The following SOX5 variants were observed in gnomAD, a reference collection of about 807,000 sequenced individuals.
SOX5 encodes SRY-box transcription factor 5.
SOX5 carries 9 observed loss-of-function variants against 92.0 expected under a neutral mutation model. That is an observed-to-expected ratio of 0.10 (90% confidence interval 0.06 to 0.17). The LOEUF (loss-of-function observed/expected upper bound fraction) is 0.17. Ranked by LOEUF, SOX5 falls within the 10% of genes least tolerant of loss-of-function variation. SOX5 has a pLI of 1.00. For synonymous variants in SOX5, 344 were observed against 336.3 expected, an observed-to-expected ratio of 1.02 and a Z score of -0.25; for missense variants, 642 against 944.5, an observed-to-expected ratio of 0.68 and a Z score of 4.20.
At chr12:23,652,983 T>C (rs189374913) in intron 7 of SOX5, among the ~76,000 whole-genome samples, 5 of 142,596 alleles carry the variant, frequency 3.5e-5, no homozygotes, top group Admixed American at 7.1e-5. Flanking sequence ...TGTGGATATA[T>C]GGATGGATGA....
At chr12:23,659,148 G>T (rs2082698489) in intron 7 of SOX5, among the ~76,000 whole-genome samples, 1 of 152,106 alleles carries the variant, frequency 6.6e-6, no homozygotes, top group African/African-American at 2.4e-5. Flanking sequence ...AAATTAGTAT[G>T]CAGTCTCCTA....
At chr12:23,538,191 T>C (rs1941038741) in intron 13 of SOX5, among the ~76,000 whole-genome samples, 1 of 152,200 alleles carries the variant, frequency 6.6e-6, no homozygotes. Context: ...TGAATAGTTC[T>C]TCCTTACACA....
intron 2 of SOX5, among the ~76,000 whole-genome samples, chr12:24,354,585 C>G (rs993688766): frequency 6.6e-6 from 1 of 152,214 alleles, no homozygotes; most frequent in Non-Finnish European, 1.5e-5. Flanking sequence ...ATTCCAGAAT[C>G]CAGGCTTTCC....
chr12:23,686,113 G>C (rs535895569), intron 6 of SOX5, among the ~76,000 whole-genome samples: 3 of 152,104 alleles, frequency 2.0e-5, no homozygotes, highest in Non-Finnish European at 4.4e-5. Context: ...GCTATAATTA[G>C]AGAGCAAACA....
intron 4 of SOX5, among the ~76,000 whole-genome samples, chr12:23,980,102 C>T (rs184618655): frequency 1.3e-5 from 2 of 152,120 alleles, no homozygotes; most frequent in East Asian, 3.9e-4. Context: ...GGCATGAATT[C>T]GTTATCTTCG....
intron 2 of SOX5, among the ~76,000 whole-genome samples, chr12:23,863,771 CTAAA>C (rs1247408384): frequency 6.7e-6 from 1 of 148,932 alleles, no homozygotes; most frequent in Non-Finnish European, 1.5e-5. Flanking sequence ...TTGTCAACTC[CTAAA>C]TAACATTTTA....
rs140359432 is a variant in SOX5 at position 23,965,411 on chromosome 12, C to G, written c.-1-69387G>C. 5.5e-3 allele frequency among the ~76,000 whole-genome samples: 838 copies of G among 152,186 alleles called. 12 individuals are homozygous for G. The highest frequency in any genetic ancestry group is 0.019 in the African/African-American group (806 of 41,516). On this transcript the variant is annotated intron_variant, in intron 4 of 4. Transcript: ENST00000446891. ...TCTGATCCTGCCTCCTCCACACCAG[C>G]CACCACAGTTAGATGGGGGGGACCT...
Position 23,533,175 on chromosome 12 carries a change from A to G in SOX5, c.*1044T>C, listed in dbSNP as rs1206975973. The G allele has an allele frequency of 4.4e-6, 2 of 456,536 alleles. No individual in the cohort carries two copies. The highest frequency in any genetic ancestry group is 3.3e-4 in the Middle Eastern group (1 of 3,076). The allele number at this position is 456,536 out of a possible 1,614,324, so 28.3% of individuals were successfully genotyped here. On this transcript the variant is annotated 3_prime_UTR_variant, in exon 15 of 15. Transcript: ENST00000451604. ...GACCAGTCACTTGGGAGGATGTGGG[A>G]TTTCATCCCCAGATGTGGGTTTAAC...
chr12:24,331,739 T>C (rs1296941770), intron 2 of SOX5, among the ~76,000 whole-genome samples: 6 of 149,834 alleles, frequency 4.0e-5, no homozygotes, highest in Non-Finnish European at 8.9e-5. Flanking sequence ...TCCCAGCTAC[T>C]TGGGAGGCTG....
chr12:24,461,055 G>C (rs1441256557), intron 1 of SOX5, among the ~76,000 whole-genome samples: 1 of 152,154 alleles, frequency 6.6e-6, no homozygotes. Context: ...AGCATAAATT[G>C]TCACATATTT....
intron 4 of SOX5, among the ~76,000 whole-genome samples, chr12:24,077,083 T>C (rs74773589): frequency 0.038 from 5,759 of 152,256 alleles, 136 homozygotes; most frequent in Admixed American, 0.057. Context: ...AAATACATTC[T>C]AAATAATTCA....
intron 11 of SOX5, among the ~76,000 whole-genome samples, chr12:23,556,770 T>A (rs1945251932): frequency 6.6e-6 from 1 of 152,210 alleles, no homozygotes; most frequent in African/African-American, 2.4e-5. Context: ...TCATATTCAC[T>A]TTTTTAAAGC....
chr12:23,748,938 C>T (rs1486649187), intron 4 of SOX5, among the ~76,000 whole-genome samples: 1 of 151,916 alleles, frequency 6.6e-6, no homozygotes, highest in Non-Finnish European at 1.5e-5. Context: ...ACCATTATAT[C>T]TCCAGAGCTA....
At chr12:23,539,329 G>C (rs983953720) in intron 13 of SOX5, among the ~76,000 whole-genome samples, 1 of 152,140 alleles carries the variant, frequency 6.6e-6, no homozygotes, top group Non-Finnish European at 1.5e-5. Flanking sequence ...GAAAGTTATA[G>C]TTCCTGTCTC....
chr12:24,136,402 C>A (rs1307906722), intron 4 of SOX5, among the ~76,000 whole-genome samples: 1 of 152,220 alleles, frequency 6.6e-6, no homozygotes, highest in Non-Finnish European at 1.5e-5. Flanking sequence ...TGTTTTCAGA[C>A]AAAGAAGGAC....
At chr12:24,486,178 C>A (rs1946502820) in intron 1 of SOX5, among the ~76,000 whole-genome samples, 1 of 152,118 alleles carries the variant, frequency 6.6e-6, no homozygotes, top group Non-Finnish European at 1.5e-5. Flanking sequence ...CTTAAGCGAT[C>A]CTCCCACCTT....
At chr12:23,826,157 A>G (rs1203759040) in intron 3 of SOX5, among the ~76,000 whole-genome samples, 1 of 151,318 alleles carries the variant, frequency 6.6e-6, no homozygotes. Context: ...TATATCTCCT[A>G]ATGCTATCCC....
At chr12:24,296,540 T>A (rs565062149) in intron 2 of SOX5, among the ~76,000 whole-genome samples, 1 of 152,232 alleles carries the variant, frequency 6.6e-6, no homozygotes, top group African/African-American at 2.4e-5. Context: ...TTGTCACTTA[T>A]AAGCATATGT....
At chr12:24,375,502 A>G (rs1266767460) in intron 1 of SOX5, among the ~76,000 whole-genome samples, 1 of 151,690 alleles carries the variant, frequency 6.6e-6, no homozygotes, top group Admixed American at 6.6e-5. Context: ...TGGGAGACCG[A>G]GGCAGGTGGA....
Sources: gnomAD v4.1 joint callset for allele counts (sites outside exome capture counted in the v4.1 genomes callset) on GRCh38, gnomAD v4.1.1 for gene constraint, MANE v1.5 for transcripts, NCBI Gene and HGNC (gene_info 2026-07-23, HGNC 2026-07-21) for gene names.